Variants in PCNX2 observed in about 807,000 individuals in gnomAD.
PCNX2 encodes the protein pecanex-like protein 2.
PCNX2 carries 168 observed loss-of-function variants against 223.8 expected under a neutral mutation model. The ratio of observed to expected loss-of-function variants is 0.75; its 90% CI spans 0.66 to 0.85. The LOEUF (loss-of-function observed/expected upper bound fraction) is 0.85, where lower values mean the gene tolerates loss of function less well. Ranked by LOEUF, PCNX2 falls within the 40% of genes least tolerant of loss-of-function variation. The pLI, the probability that PCNX2 is intolerant of heterozygous loss-of-function variation, is 0.00. For missense variants in PCNX2, 2,507 were observed against 2,675.5 expected, an observed-to-expected ratio of 0.94 and a Z score of 1.39; for synonymous variants, 1,006 against 1,052.6, an observed-to-expected ratio of 0.96 and a Z score of 0.86.
chr1:233,145,872 A>G (rs1007501657), intron 19 of PCNX2, among the ~76,000 whole-genome samples: 2 of 152,188 alleles, frequency 1.3e-5, no homozygotes, highest in Admixed American at 1.3e-4. Context: ...CTGACGTCCC[A>G]TGTATGGAAT....
intron 10 of PCNX2, among the ~76,000 whole-genome samples, chr1:233,218,604 A>C (rs1657173244): frequency 6.6e-6 from 1 of 152,172 alleles, no homozygotes; most frequent in South Asian, 2.1e-4. Context: ...ATGAACCATG[A>C]CAACACAGTA....
At chr1:233,031,690 T>C in intron 25 of PCNX2, 2 of 963,616 alleles carry the variant, frequency 2.1e-6, no homozygotes, top group Non-Finnish European at 1.2e-6. Context: ...GCTGCATTCA[T>C]AAAAAGGGAG....
chr1:233,051,940 A>G (rs947104734), intron 25 of PCNX2, among the ~76,000 whole-genome samples: 7 of 152,370 alleles, frequency 4.6e-5, no homozygotes, highest in African/African-American at 1.7e-4. Flanking sequence ...TTCAGAGAGC[A>G]GGACAGTTCT....
intron 32 of PCNX2, among the ~76,000 whole-genome samples, chr1:232,996,988 G>C (rs1669896973): frequency 6.6e-6 from 1 of 151,872 alleles, no homozygotes; most frequent in Non-Finnish European, 1.5e-5. Context: ...ACAATTGACT[G>C]TTTCTCTACC....
chr1:233,276,495 T>C (rs888608875), intron 1 of PCNX2, among the ~76,000 whole-genome samples: 1 of 152,216 alleles, frequency 6.6e-6, no homozygotes, highest in African/African-American at 2.4e-5. Context: ...ATACATCTTA[T>C]CACAATTCTT....
At chr1:233,152,832 G>A (rs143599144) in intron 19 of PCNX2, among the ~76,000 whole-genome samples, 49 of 152,232 alleles carry the variant, frequency 3.2e-4, no homozygotes, top group South Asian at 1.5e-3. Flanking sequence ...CTTAGGGAGC[G>A]CTTTCTGTCT....
chr1:233,033,094 C>G (rs6664081), intron 25 of PCNX2: 2 of 985,022 alleles, frequency 2.0e-6, no homozygotes, highest in African/African-American at 1.8e-5. Context: ...TTCGAAGCCC[C>G]GGCAGAGATG....
chr1:233,226,619 C>T (rs950839035), intron 10 of PCNX2, among the ~76,000 whole-genome samples: 2 of 152,164 alleles, frequency 1.3e-5, no homozygotes, highest in African/African-American at 4.8e-5. Context: ...TCTCCCTACC[C>T]AGTAACCACA....
chr1:233,184,064 T>G (rs777845103), intron 15 of PCNX2, among the ~76,000 whole-genome samples: 4 of 152,262 alleles, frequency 2.6e-5, no homozygotes, highest in Non-Finnish European at 2.9e-5. Context: ...TAACTTCTAT[T>G]TCTTGTCATT....
chr1:233,242,762 T>C (rs755671609), intron 8 of PCNX2, among the ~76,000 whole-genome samples: 6 of 152,230 alleles, frequency 3.9e-5, no homozygotes, highest in Non-Finnish European at 5.9e-5. Flanking sequence ...CACCTCCAAC[T>C]TCCTAGGCAG....
At chr1:233,267,417 G>T (rs1660399442) in intron 1 of PCNX2, among the ~76,000 whole-genome samples, 1 of 152,060 alleles carries the variant, frequency 6.6e-6, no homozygotes, top group Non-Finnish European at 1.5e-5. Context: ...GTAGAGCTGA[G>T]GAGTGATAAT....
the PCNX2 span, among the ~76,000 whole-genome samples, chr1:233,319,207 AT>A: frequency 4.0e-5 from 6 of 151,800 alleles, no homozygotes; most frequent in Non-Finnish European, 7.4e-5. Flanking sequence ...CTCATCCCTC[AT>A]TTTTTCACTG....
the PCNX2 span, among the ~76,000 whole-genome samples, chr1:233,309,158 C>A: frequency 6.6e-6 from 1 of 152,168 alleles, no homozygotes; most frequent in Non-Finnish European, 1.5e-5. Context: ...ATGAGATAAT[C>A]TTCATAAGGA....
the PCNX2 span, among the ~76,000 whole-genome samples, chr1:233,320,658 T>C: frequency 6.6e-6 from 1 of 152,204 alleles, no homozygotes; most frequent in African/African-American, 2.4e-5. Context: ...GTGAAACCAT[T>C]GTTAATGAAC....
intron 15 of PCNX2, among the ~76,000 whole-genome samples, chr1:233,183,654 A>G (rs1234095626): frequency 6.6e-6 from 1 of 152,186 alleles, no homozygotes; most frequent in Non-Finnish European, 1.5e-5. Context: ...TCAAACATTC[A>G]TTCATTCCTA....
chr1:232,991,030 C>T lies in PCNX2; in HGVS notation c.5792-4490G>A, dbSNP rs1040412307. On this transcript the variant is annotated intron_variant, in intron 32 of 33. Coordinates refer to ENST00000258229, the MANE Select transcript of PCNX2 (RefSeq NM_014801.4). The surrounding 1 kb of genome is among the most constrained non-coding windows in gnomAD (Gnocchi z 4.3). ...CAGGCTCTGCAGAAGTTAGGGCTGC[C>T]CACCTGAGCGTCCACCGTGGGCTGC... Among the ~76,000 whole-genome samples the T allele has an allele frequency of 1.3e-5, 2 of 152,094 alleles. No homozygotes were observed. Among genetic ancestry groups the T allele is most frequent in the African/African-American group, 4.8e-5 (2 of 41,416 alleles).
intron 25 of PCNX2, among the ~76,000 whole-genome samples, chr1:233,045,084 C>T (rs1671781619): frequency 6.6e-6 from 1 of 152,168 alleles, no homozygotes; most frequent in African/African-American, 2.4e-5. Flanking sequence ...ATCTACGTCC[C>T]TATTCTAGGT....
At chr1:233,021,988 A>G (rs1444527275) in intron 26 of PCNX2, among the ~76,000 whole-genome samples, 4 of 152,164 alleles carry the variant, frequency 2.6e-5, no homozygotes, top group Admixed American at 2.6e-4. Flanking sequence ...CCTCTGTAAA[A>G]GCCAACAGGG....
At position 233,258,167 on chromosome 1, in the gene PCNX2, A is replaced by G. The variant is rs767789220; in HGVS notation, c.1695T>C (p.Ala565=). ...ACTCATTTGGCATTTGTCCTTCCTT[A>G]GCCTCTAGGTCAGATTTGGAAGTTG... ...TMPTSKSDLE[A]KEGQMPNESN... is the part of the protein sequence containing the mutation. The change falls in exon 5 of 34, where the codon GCT becomes GCC. Residue 565 remains alanine (A), a synonymous_variant. Transcript: ENST00000258229. The G allele has an allele frequency of 1.9e-6, 3 of 1,613,976 alleles. No homozygotes were observed. Among genetic ancestry groups the G allele is most frequent in the Admixed American group, 3.3e-5 (2 of 60,024 alleles).
Sources: allele counts gnomAD v4.1 joint callset (sites outside exome capture counted in the v4.1 genomes callset), GRCh38; gene constraint gnomAD v4.1.1; non-coding constraint Gnocchi (gnomAD v3.1); transcripts MANE v1.5; gene names NCBI Gene and HGNC (gene_info 2026-07-23, HGNC 2026-07-21).